The following SCO2 variants were observed in gnomAD, a reference collection of about 807,000 sequenced individuals.
The protein encoded by SCO2 is synthesis of cytochrome C oxidase 2.
For synonymous variants in SCO2, 195 were observed against 148.6 expected (o/e 1.31, Z -2.27); for missense variants, 429 against 348.7 (o/e 1.23, Z -1.83).
upstream of SCO2, chr22:50,525,897 T>C: frequency 6.4e-7 from 1 of 1,562,942 alleles, no homozygotes; most frequent in Non-Finnish European, 8.6e-7. Flanking sequence ...GCCGTCCCGG[T>C]GCACGCGGAG....
chr22:50,526,139 T>C (rs1603441816), upstream of SCO2: 4 of 1,484,518 alleles, frequency 2.7e-6, no homozygotes, highest in African/African-American at 1.5e-5. Flanking sequence ...AGCTCCACGG[T>C]GCCTGCGGGG....
intron 1 of SCO2, chr22:50,524,706 GA>G (rs1436073896): frequency 3.1e-6 from 2 of 635,424 alleles, no homozygotes; most frequent in Non-Finnish European, 6.0e-6. Flanking sequence ...CTTGCTGACG[GA>G]AAGCATTCCA....
chr22:50,524,671 A>G, intron 1 of SCO2: 2 of 685,282 alleles, frequency 2.9e-6, no homozygotes, highest in South Asian at 1.5e-5. Flanking sequence ...CCTGCCCTGC[A>G]CCTGCACCTC....
chr22:50,525,890 G>C, upstream of SCO2: 5 of 1,572,226 alleles, frequency 3.2e-6, no homozygotes, highest in Non-Finnish European at 4.3e-6. Context: ...GCGCGGGGCC[G>C]TCCCGGTGCA....
chr22:50,525,946 G>A (rs1313414991), upstream of SCO2: 2 of 1,421,200 alleles, frequency 1.4e-6, no homozygotes, highest in Admixed American at 3.1e-5. Flanking sequence ...GTTAGAGGCC[G>A]CGCGGCCGGA....
upstream of SCO2, chr22:50,525,621 C>A: frequency 8.1e-7 from 1 of 1,238,250 alleles, no homozygotes; most frequent in Non-Finnish European, 1.1e-6. Context: ...CATGCGCACA[C>A]GGGCGCAGCC....
In SCO2 at chr22:50,525,574, C is replaced by T. The variant is rs1008838530; in HGVS notation, c.-116G>A. On this transcript the variant is annotated 5_prime_UTR_variant, in exon 1 of 2. The change creates a new upstream start codon in the 5' untranslated region. Coordinates refer to ENST00000395693, the MANE Select transcript of SCO2 (RefSeq NM_005138.3). The stretch of plus-strand genomic sequence containing the variant: ...CGGCTCAGGGAAAGCGGGCGCCACA[C>T]GCTCACAGGCAGGGCGCAGGCGTCC... 1.6e-5 allele frequency: 13 copies of T among 792,736 alleles called. No individual in the cohort carries two copies. Among genetic ancestry groups the T allele is most frequent in the South Asian group, 8.6e-5 (5 of 57,932 alleles). The allele number at this position is 792,736 out of a possible 1,614,324, so 49.1% of individuals were successfully genotyped here.
chr22:50,525,371 T>TGCCCCGCCA (rs2069300127), intron 1 of SCO2, 101 bp downstream of exon 1: 1 of 285,066 alleles, frequency 3.5e-6, no homozygotes, highest in Admixed American at 5.4e-5. Context: ...CCCTGGGGTG[T>TGCCCCGCCA]GCCCCGCCAG....
At chr22:50,524,522 C>A (rs1229972426) in intron 1 of SCO2, 98 bp from the exon 2 acceptor site, 1 of 1,095,986 alleles carries the variant, frequency 9.1e-7, no homozygotes, top group Non-Finnish European at 1.4e-6. Flanking sequence ...TCTGAAGGAC[C>A]CAGCCCACGT....
upstream of SCO2, chr22:50,525,795 T>G: frequency 6.2e-7 from 1 of 1,610,878 alleles, no homozygotes; most frequent in South Asian, 1.1e-5. Flanking sequence ...CAGAACGAGC[T>G]CTGCGAAGGG....
rs554520397 is a variant in SCO2, at chr22:50,524,345, G to A, written c.67C>T (p.Pro23Ser). 2.0e-5 allele frequency: 32 copies of A among 1,601,920 alleles called. No individual in the cohort carries two copies. The highest frequency in any genetic ancestry group is 2.7e-5 in the Non-Finnish European group (32 of 1,179,922). Residue 23 changes from proline to serine, a missense_variant, in exon 2 of 2, where the codon CCT (proline) becomes TCT (serine). Transcript: ENST00000395693. ...AGGGCCTGGCCTCCCAGGGTCCCAG[G>A]GAGGACCCGAGGCTTGAGCTGAGAG... ...RLSQLKPRVL[P>S]GTLGGQALHL...
chr22:50,525,914 G>T (rs1432468645), upstream of SCO2: 2 of 1,529,484 alleles, frequency 1.3e-6, no homozygotes, highest in African/African-American at 2.8e-5. Flanking sequence ...GGAGCCAGGG[G>T]GTCCCTGCAG....
rs1263757375 is a variant in SCO2, at chr22:50,523,678, C to G, written c.734G>C (p.Arg245Thr). The change falls in exon 2 of 2, where the codon AGA (arginine) becomes ACA (threonine). Residue 245 changes from arginine to threonine, a missense_variant. Physicochemically the swap from Arg to Thr is moderately conservative, Grantham distance 71 (BLOSUM62 -1). Transcript: ENST00000395693. Reference sequence around the variant, plus strand: ...ACTGTCTGAGATCTGCTCAGCCGATCTGCTCCGGCCGTAGTAATCCGTGAA... The same window carrying G: ...ACTGTCTGAGATCTGCTCAGCCGATGTGCTCCGGCCGTAGTAATCCGTGAA... ...GLFTDYYGRS[R>T]SAEQISDSVR... 4.3e-6 allele frequency: 7 copies of G among 1,614,140 alleles called. No individual in the cohort carries two copies. Among genetic ancestry groups the G allele is most frequent in the Non-Finnish European group, 5.1e-6 (6 of 1,180,042 alleles).
chr22:50,525,674 G>A (rs1445736916), upstream of SCO2: 5 of 1,529,470 alleles, frequency 3.3e-6, no homozygotes, highest in African/African-American at 4.1e-5. Context: ...GGAGCCCGCC[G>A]GGGGTCACGT....
chr22:50,525,852 T>C (rs2069332918), upstream of SCO2: 1 of 1,604,834 alleles, frequency 6.2e-7, no homozygotes, highest in Non-Finnish European at 8.5e-7. Flanking sequence ...GAGCGCCTCC[T>C]GCAGGGCGCG....
upstream of SCO2, chr22:50,525,740 G>A (rs760435825): frequency 3.7e-6 from 6 of 1,605,730 alleles, no homozygotes; most frequent in East Asian, 2.2e-5. Context: ...TCCCGCCCAA[G>A]CACTGACAAG....
At chr22:50,524,503 A>G in intron 1 of SCO2, 79 bp from the exon 2 acceptor site, 1 of 1,354,830 alleles carries the variant, frequency 7.4e-7, no homozygotes, top group Non-Finnish European at 1.0e-6. Context: ...ACTTGAGACC[A>G]GCCACCCATC....
upstream of SCO2, chr22:50,526,276 C>T: frequency 1.3e-6 from 2 of 1,544,436 alleles, no homozygotes; most frequent in Non-Finnish European, 1.7e-6. Flanking sequence ...TCCTCCTGCT[C>T]CCGGGCGCGA....
chr22:50,526,020 C>T, upstream of SCO2: 1 of 1,472,068 alleles, frequency 6.8e-7, no homozygotes, highest in South Asian at 1.3e-5. Context: ...GCCTCTGACC[C>T]ACGTCGACCA....
Sources: gnomAD v4.1 joint callset for allele counts on GRCh38, gnomAD v4.1.1 for gene constraint, MANE v1.5 for transcripts, NCBI Gene and HGNC (gene_info 2026-07-23, HGNC 2026-07-21) for gene names.